The following ATXN7 variants were observed in gnomAD, a reference collection of about 807,000 sequenced individuals.
The protein encoded by ATXN7 is ataxin-7.
Under a neutral mutation model 70.5 loss-of-function variants are expected in ATXN7, and 12 were observed. The observed-to-expected ratio is 0.17, with a 90% CI of 0.11 to 0.28. The LOEUF is 0.28. Ranked by LOEUF, ATXN7 falls within the 10% of genes least tolerant of loss-of-function variation. The probability of loss-of-function intolerance (pLI) is 1.00; values close to 1 mark genes in which losing one functional copy is unlikely to be tolerated. For synonymous variants in ATXN7, 498 were observed against 448.7 expected (o/e 1.11, Z -1.39); for missense variants, 1,256 against 1,131.7 (o/e 1.11, Z -1.58).
intron 1 of ATXN7, among the ~76,000 whole-genome samples, chr3:63,885,678 T>C (rs750141302): frequency 2.0e-5 from 3 of 152,170 alleles, no homozygotes; most frequent in East Asian, 1.9e-4. Context: ...AGCCAAGATA[T>C]GGAGTCAATC....
intron 5 of ATXN7, among the ~76,000 whole-genome samples, chr3:63,965,085 TAGGAAATCCCAAGATTTGTA>T (rs1160203480): frequency 2.0e-5 from 3 of 152,170 alleles, no homozygotes; most frequent in Admixed American, 6.5e-5. Flanking sequence ...GGATTCAGTT[TAGGAAATCCCAAGATTTGTA>T]GGGGACTTGA....
In ATXN7 at chr3:63,912,586, A is replaced by G; in HGVS notation, c.-11-2A>G. On this transcript the variant is annotated splice_acceptor_variant, in intron 2 of 12. Transcript: ENST00000674280. LOFTEE classifies it low-confidence loss of function (5UTR_SPLICE). ...TTCCCCCTTTTTTTTGTTACATTGT[A>G]GGAGCGGAAAGAATGTCGGAGCGGG... The G allele has an allele frequency of 9.0e-7, 1 of 1,106,754 alleles. No individual in the cohort carries two copies. The highest frequency in any genetic ancestry group is 1.1e-6 in the Non-Finnish European group (1 of 895,392). 68.6% of individuals were successfully genotyped at this position (1,106,754 alleles called of 1,614,324 possible). A position where few individuals can be genotyped will look rare whatever the true frequency, so the allele number is the denominator to read the frequency against.
intron 4 of ATXN7, among the ~76,000 whole-genome samples, chr3:63,920,122 G>C (rs747825198): frequency 2.6e-5 from 4 of 151,962 alleles, no homozygotes; most frequent in Non-Finnish European, 4.4e-5. Flanking sequence ...TTATAATTTT[G>C]TGCTTACTGG....
At chr3:63,982,117 TG>T in intron 6 of ATXN7, 68 bp from the exon 7 acceptor site, 1 of 1,602,616 alleles carries the variant, frequency 6.2e-7, no homozygotes, top group Non-Finnish European at 8.5e-7. Flanking sequence ...CTCATCCCTC[TG>T]GCTCACCATT....
At chr3:63,992,471 C>T (rs1466210774) in intron 11 of ATXN7, among the ~76,000 whole-genome samples, 1 of 152,084 alleles carries the variant, frequency 6.6e-6, no homozygotes, top group African/African-American at 2.4e-5. Context: ...AGTTGGAAAG[C>T]ACACTGAGCT....
intron 4 of ATXN7, among the ~76,000 whole-genome samples, chr3:63,947,079 T>TA: frequency 6.6e-6 from 1 of 152,174 alleles, no homozygotes; most frequent in East Asian, 1.9e-4. Flanking sequence ...GGGTGTGCTA[T>TA]ATACTAGTTT....
intron 4 of ATXN7, among the ~76,000 whole-genome samples, chr3:63,928,884 A>G (rs1704822481): frequency 6.6e-6 from 1 of 152,212 alleles, no homozygotes; most frequent in Non-Finnish European, 1.5e-5. Flanking sequence ...TGCTTGGTTA[A>G]TGTTTTAGAT....
chr3:63,980,372 C>G, intron 6 of ATXN7: 1 of 666,368 alleles, frequency 1.5e-6, no homozygotes. Flanking sequence ...AATAAGGTTA[C>G]TAACATTTAT....
In ATXN7 at chr3:63,982,065, A is replaced by G. The variant is rs932566114; in HGVS notation, c.753-121A>G. 3 of 1,294,098 alleles carry G rather than the reference A, an allele frequency of 2.3e-6. No homozygotes were observed. The African/African-American group carries it at 5.8e-5, about 25-fold the overall frequency. 80.2% of individuals were successfully genotyped at this position (1,294,098 alleles called of 1,614,324 possible). On this transcript the variant is annotated intron_variant, in intron 6 of 12. Transcript: ENST00000674280. ...CAAAACTCATAAGGAGCCTTCCAAG[A>G]GGCTGGCCCTGTGCAGCGCTTGGGT... is the stretch of plus-strand genomic sequence containing the variant.
intron 12 of ATXN7, chr3:63,998,042 G>A (rs2075787960): frequency 3.0e-6 from 3 of 985,318 alleles, no homozygotes; most frequent in South Asian, 9.4e-5. Flanking sequence ...ATGGTGTGCC[G>A]ATTCTTCAAC....
intron 4 of ATXN7, among the ~76,000 whole-genome samples, chr3:63,930,744 AT>A (rs1704920732): frequency 6.6e-6 from 1 of 151,964 alleles, no homozygotes; most frequent in African/African-American, 2.4e-5. Flanking sequence ...GTTAGCCAGG[AT>A]GGTCTCAATC....
chr3:63,911,954 C>T (rs1704030077), intron 2 of ATXN7: 2 of 152,510 alleles, frequency 1.3e-5, no homozygotes, highest in South Asian at 2.1e-4. Context: ...CCGGCCGGCT[C>T]CTCCATAGGT....
chr3:63,900,511 C>T (rs1286339018), intron 2 of ATXN7: 1 of 152,184 alleles, frequency 6.6e-6, no homozygotes, highest in African/African-American at 2.4e-5. Flanking sequence ...TTTCAGTGAT[C>T]GTTGAAGTCA....
At chr3:63,936,345 A>C (rs1342580030) in intron 4 of ATXN7, among the ~76,000 whole-genome samples, 1 of 152,154 alleles carries the variant, frequency 6.6e-6, no homozygotes, top group African/African-American at 2.4e-5. Flanking sequence ...GACACAGCTT[A>C]CTGTGTAGGA....
intron 1 of ATXN7, among the ~76,000 whole-genome samples, chr3:63,881,535 CTGGT>C (rs1702911554): frequency 7.1e-6 from 1 of 141,356 alleles, no homozygotes; most frequent in South Asian, 2.2e-4. Flanking sequence ...GTCGCCTGGG[CTGGT>C]GTGCAGTGGT....
intron 1 of ATXN7, among the ~76,000 whole-genome samples, chr3:63,896,335 C>G (rs959842142): frequency 6.7e-6 from 1 of 148,226 alleles, no homozygotes; most frequent in Non-Finnish European, 1.5e-5. Context: ...GTAGTTGTTG[C>G]ATGAATAAAA....
At chr3:63,966,866 G>A (rs2075232587) in intron 5 of ATXN7, among the ~76,000 whole-genome samples, 2 of 152,208 alleles carry the variant, frequency 1.3e-5, no homozygotes, top group African/African-American at 4.8e-5. Context: ...ATTTAAAAGA[G>A]TTCATTTTGA....
rs2075217931 is a variant in ATXN7, at chr3:63,966,091, A to G, written c.499+13608A>G. 2.0e-5 allele frequency among the ~76,000 whole-genome samples: 3 copies of G among 152,192 alleles called. No individual in the cohort carries two copies. In the South Asian group the frequency reaches 6.2e-4, roughly 32 times the overall value. On this transcript the variant is annotated intron_variant, in intron 5 of 12. Coordinates refer to ENST00000674280, the MANE Select transcript of ATXN7 (RefSeq NM_001377405.1). ...CTTGGATTGGCTGACTCTCATAACGATATTTTTCCCCACTGTATTTCGTAC... is the reference window on the plus strand; with the variant it reads ...CTTGGATTGGCTGACTCTCATAACGGTATTTTTCCCCACTGTATTTCGTAC...
At chr3:63,937,174 G>A (rs1005078909) in intron 4 of ATXN7, among the ~76,000 whole-genome samples, 16 of 152,166 alleles carry the variant, frequency 1.1e-4, no homozygotes, top group African/African-American at 3.9e-4. Flanking sequence ...AAGCATGGAC[G>A]TAAATAAGGC....
Sources: allele counts gnomAD v4.1 joint callset (sites outside exome capture counted in the v4.1 genomes callset), GRCh38; gene constraint gnomAD v4.1.1; transcripts MANE v1.5; gene names NCBI Gene and HGNC (gene_info 2026-07-23, HGNC 2026-07-21).